Variants in PHEX observed in about 807,000 individuals in gnomAD.
PHEX encodes the protein phosphate regulating endopeptidase X-linked.
A neutral mutation model predicts 68.0 loss-of-function variants in PHEX; 16 were observed. That is an observed-to-expected ratio of 0.24 (90% confidence interval 0.16 to 0.36). The LOEUF (loss-of-function observed/expected upper bound fraction) is 0.36. Ranked by LOEUF, PHEX falls within the 10% of genes least tolerant of loss-of-function variation. The probability of loss-of-function intolerance (pLI) is 1.00; values close to 1 mark genes in which losing one functional copy is unlikely to be tolerated. For missense variants in PHEX, 480 were observed against 575.5 expected, an observed-to-expected ratio of 0.83 and a Z score of 1.70; for synonymous variants, 208 against 205.1, an observed-to-expected ratio of 1.01 and a Z score of -0.12.
intron 6 of PHEX, among the ~76,000 whole-genome samples, chrX:22,093,385 G>T (rs73635601): frequency 1.8e-5 from 2 of 111,695 alleles, no homozygotes; most frequent in Non-Finnish European, 3.8e-5. Flanking sequence ...TTCTATATTT[G>T]CTATTTGTTA....
intron 1 of PHEX, among the ~76,000 whole-genome samples, chrX:22,033,700 A>G (rs928211246): frequency 3.6e-5 from 4 of 112,016 alleles, no homozygotes; most frequent in African/African-American, 1.3e-4. Context: ...TTTTCCCCCA[A>G]GATTTGAAAG....
At chrX:22,034,136 TCTC>T (rs1418315651) in intron 1 of PHEX, among the ~76,000 whole-genome samples, 1 of 111,914 alleles carries the variant, frequency 8.9e-6, no homozygotes, top group East Asian at 2.8e-4. Flanking sequence ...TAAAGCGAAA[TCTC>T]CTACTCCTGC....
At chrX:22,189,544 C>T (rs983321815) in intron 14 of PHEX, among the ~76,000 whole-genome samples, 1 of 111,133 alleles carries the variant, frequency 9.0e-6, no homozygotes, top group Admixed American at 9.6e-5. Context: ...TGAGACCAGC[C>T]TGGCCAACAT....
Position 22,212,943 on chromosome X carries a change from G to C in PHEX, c.1685G>C (p.Gly562Ala). 8.3e-7 allele frequency: 1 copy of C among 1,199,733 alleles called. No individual in the cohort carries two copies. Among genetic ancestry groups the C allele is most frequent in the Non-Finnish European group, 1.1e-6 (1 of 884,638 alleles). ...GAGCTCCAGAAGCCTTTCTTTTGGG[G>C]AACAGAATATCCTCGGTGAGTAAAT... is the stretch of plus-strand genomic sequence containing the variant. ...AGELQKPFFW[G>A]TEYPRSLSYG... is the part of the protein sequence containing the mutation. Residue 562 changes from glycine to alanine, a missense_variant, in exon 16 of 22, where the codon GGA becomes GCA. Coordinates refer to ENST00000379374, the MANE Select transcript of PHEX (RefSeq NM_000444.6).
intron 5 of PHEX, among the ~76,000 whole-genome samples, chrX:22,087,357 G>A (rs191466399): frequency 4.3e-4 from 48 of 111,863 alleles, no homozygotes; most frequent in African/African-American, 1.5e-3. Context: ...GCAGTAGGAC[G>A]AAGCCAGGAA....
intron 1 of PHEX, among the ~76,000 whole-genome samples, chrX:22,037,320 A>G (rs5904608): frequency 0.23 from 25,656 of 109,777 alleles, 2,610 homozygotes; most frequent in African/African-American, 0.37. Context: ...AAATATAGGT[A>G]CTGCCGAGCT....
intron 18 of PHEX, 114 bp downstream of exon 18, chrX:22,221,857 T>TGTC: frequency 2.9e-6 from 2 of 695,202 alleles, no homozygotes; most frequent in Admixed American, 4.6e-5. Flanking sequence ...CAACAGCATC[T>TGTC]GTCTTCCTTG....
At chrX:22,060,497 T>C (rs1268725319) in intron 3 of PHEX, among the ~76,000 whole-genome samples, 1 of 111,509 alleles carries the variant, frequency 9.0e-6, no homozygotes, top group African/African-American at 3.3e-5. Flanking sequence ...TTGAAATCCA[T>C]TGGTGAGATT....
rs770026330 is a variant in PHEX at position 22,033,023 on chromosome X, G to C, written c.18G>C (p.Gly6=). ...CCCTTCTGATGGAAGCAGAAACAGG[G>C]AGCAGCGTGGAGACTGGAAAGAAGG... MEAET[G]SSVETGKKAN... The change falls in exon 1 of 22, where the codon GGG becomes GGC. Residue 6 remains glycine (G), a synonymous_variant. Coordinates refer to ENST00000379374, the MANE Select transcript of PHEX (RefSeq NM_000444.6). The C allele has an allele frequency of 8.3e-7, 1 of 1,203,943 alleles. No homozygotes were observed. Among genetic ancestry groups the C allele is most frequent in the Non-Finnish European group, 1.1e-6 (1 of 890,779 alleles).
intron 18 of PHEX, 91 bp downstream of exon 18, chrX:22,221,834 G>C: frequency 5.0e-6 from 4 of 805,062 alleles, no homozygotes; most frequent in Non-Finnish European, 7.6e-6. Context: ...TTCTCAAAGC[G>C]TGTTTACAAG....
At chrX:22,179,023 T>A (rs898057330) in intron 14 of PHEX, among the ~76,000 whole-genome samples, 8 of 112,141 alleles carry the variant, frequency 7.1e-5, no homozygotes, top group Non-Finnish European at 1.5e-4. Flanking sequence ...TACCAGAAAG[T>A]GCTTTACAAT....
At chrX:22,048,290 G>T (rs925905433) in intron 3 of PHEX, among the ~76,000 whole-genome samples, 2 of 111,331 alleles carry the variant, frequency 1.8e-5, no homozygotes, top group African/African-American at 6.5e-5. Context: ...GGATGTCAGG[G>T]TTTTCTCCTA....
rs200733697 is a variant in PHEX, at chrX:22,227,609, C to A, written c.2068C>A (p.His690Asn). The A allele has an allele frequency of 1.8e-4, 207 of 1,163,096 alleles. No individual in the cohort carries two copies. Among genetic ancestry groups the A allele is most frequent in the Non-Finnish European group, 2.3e-5 (20 of 852,592 alleles). Residue 690 changes from histidine (H) to asparagine (N), a missense_variant and splice_region_variant, in exon 20 of 22, where the codon CAT (histidine) becomes AAT (asparagine). Transcript: ENST00000379374. ...CCAGCTCTTCTTCCTGAGTTATGCT[C>A]ATGTGAGTAGACTGAGGAAGGGGCA... is the stretch of plus-strand genomic sequence containing the variant. ...NNQLFFLSYA[H>N]VRCNSYRPEA... is the part of the protein sequence containing the mutation.
At chrX:22,185,415 C>T (rs1287212368) in intron 14 of PHEX, among the ~76,000 whole-genome samples, 1 of 111,967 alleles carries the variant, frequency 8.9e-6, no homozygotes, top group Non-Finnish European at 1.9e-5. Context: ...AACTCAGATG[C>T]CTTCAGGGGC....
intron 3 of PHEX, among the ~76,000 whole-genome samples, chrX:22,073,117 A>G (rs1396882624): frequency 3.6e-5 from 4 of 111,871 alleles, no homozygotes; most frequent in South Asian, 3.7e-4. Context: ...TTAGGTTAGC[A>G]TAAGTCCTTT....
intron 14 of PHEX, among the ~76,000 whole-genome samples, chrX:22,188,410 T>C (rs186319849): frequency 1.3e-4 from 15 of 112,041 alleles, no homozygotes; most frequent in African/African-American, 4.9e-4. Context: ...AATTGCTTGG[T>C]TTTAATCATA....
rs1933406838 is a variant in PHEX, at chrX:22,168,366, C to T, written c.1459C>T (p.His487Tyr). 1 of 1,186,943 alleles carries T rather than the reference C, an allele frequency of 8.4e-7. No homozygotes were observed. Among genetic ancestry groups the T allele is most frequent in the South Asian group, 1.8e-5 (1 of 56,427 alleles). Residue 487 changes from histidine (H) to tyrosine (Y), a missense_variant, in exon 13 of 22, where the codon CAT becomes TAT. His to Tyr is a moderately conservative substitution (Grantham distance 83). Transcript: ENST00000379374. ...TCCAGAGTTTATAATGAATGATACT[C>T]ATGTTAATGAAGACCTCAAAGCTGT... The part of the protein sequence containing the change: ...GYPEFIMNDT[H>Y]VNEDLKAIKF...
At chrX:22,227,023 G>C (rs186237820) in intron 19 of PHEX, among the ~76,000 whole-genome samples, 254 of 112,244 alleles carry the variant, frequency 2.3e-3, no homozygotes, top group Middle Eastern at 0.014. Context: ...ATTTCATAAA[G>C]CTAAATGCAT....
At position 22,077,478 on chromosome X, in the gene PHEX, G is replaced by A; in HGVS notation, c.439G>A (p.Ala147Thr). 1 of 1,205,341 alleles carries A rather than the reference G, an allele frequency of 8.3e-7. No homozygotes were observed. Among genetic ancestry groups the A allele is most frequent in the Non-Finnish European group, 1.1e-6 (1 of 889,459 alleles). The change falls in exon 5 of 22, where the codon GCG becomes ACG. Residue 147 changes from alanine (A) to threonine (T), a missense_variant and splice_region_variant. Physicochemically the swap from Ala to Thr is moderately conservative, Grantham distance 58. Transcript: ENST00000379374. ...TCTTCATATCTGCTCCCTTTCAGAA[G>A]CGATTGAAAAAGCAGATGCCAAGCC... ...ILYSSCMNEKAIEKADAKPLL... is the reference protein window; with the variant it reads ...ILYSSCMNEKTIEKADAKPLL...
Sources: gnomAD v4.1 joint callset for allele counts (sites outside exome capture counted in the v4.1 genomes callset) on GRCh38, gnomAD v4.1.1 for gene constraint, MANE v1.5 for transcripts, NCBI Gene and HGNC (gene_info 2026-07-23, HGNC 2026-07-21) for gene names.